Variants in IFT46 observed in about 807,000 individuals in gnomAD.
The protein encoded by IFT46 is intraflagellar transport protein 46 homolog.
In IFT46, 19 loss-of-function variants were observed where a neutral mutation model predicts 39.6. That is an observed-to-expected ratio of 0.48 (90% CI 0.33 to 0.70). The LOEUF (loss-of-function observed/expected upper bound fraction) is 0.70. IFT46 is among the 30% of genes least tolerant of loss of function. The pLI is 0.01. For missense variants in IFT46, 334 were observed against 364.8 expected, an observed-to-expected ratio of 0.92 and a Z score of 0.69; for synonymous variants, 117 against 134.8, an observed-to-expected ratio of 0.87 and a Z score of 0.91.
intron 5 of IFT46, 59 bp from the exon 6 acceptor site, chr11:118,555,142 G>C (rs555586147): frequency 3.2e-6 from 5 of 1,543,230 alleles, no homozygotes; most frequent in Non-Finnish European, 4.5e-6. Flanking sequence ...TTACTATTCA[G>C]GCTAAAAAAA....
Position 118,559,793 on chromosome 11 carries a change from T to C in IFT46, c.37A>G (p.Asn13Asp). 6.2e-7 allele frequency: 1 copy of C among 1,613,236 alleles called. No homozygotes were observed. The highest frequency in any genetic ancestry group is 8.5e-7 in the Non-Finnish European group (1 of 1,179,206). Residue 13 changes from asparagine to aspartate, a missense_variant, in exon 3 of 12, where the codon AAT becomes GAT. Coordinates refer to ENST00000264021, the MANE Select transcript of IFT46 (RefSeq NM_001168618.2). ...TGTGAGTTTTACTGTACCTTGTTAT[T>C]TTCCTCTTCACACTCATCACTGCTG... The part of the protein sequence containing the change: ...DNSSDECEEE[N>D]NKEKKKTSQL...
chr11:118,551,999 T>G (rs1345142542), intron 8 of IFT46, 147 bp from the exon 9 acceptor site: 34 of 1,000,610 alleles, frequency 3.4e-5, no homozygotes, highest in Non-Finnish European at 4.5e-5. Context: ...CATACCAAAG[T>G]TACCCAGGGC....
At chr11:118,555,882 C>T (rs1937813774) in intron 4 of IFT46, among the ~76,000 whole-genome samples, 1 of 150,740 alleles carries the variant, frequency 6.6e-6, no homozygotes, top group Non-Finnish European at 1.5e-5. Context: ...AAGATCGCAC[C>T]ACTGCACTCC....
chr11:118,549,332 G>T (rs149551510), intron 9 of IFT46, among the ~76,000 whole-genome samples: 1,707 of 151,354 alleles, frequency 0.011, 31 homozygotes, highest in African/African-American at 0.038. Flanking sequence ...ATGAGCTACC[G>T]TGCCTGGCCC....
upstream of IFT46, among the ~76,000 whole-genome samples, chr11:118,575,411 G>GGTGTGTGTGTGTGTGTGTGT (rs56934953): frequency 3.3e-4 from 49 of 149,186 alleles, no homozygotes; most frequent in African/African-American, 1.2e-3. Flanking sequence ...ACTGATAACG[G>GGTGTGTGTGTGTGTGTGTGT]GTGTGTGTGT....
At chr11:118,576,766 A>G (rs373531429), upstream of IFT46, among the ~76,000 whole-genome samples, 3 of 152,130 alleles carry the variant, frequency 2.0e-5, no homozygotes, top group South Asian at 6.2e-4. Context: ...TTTATGCTAT[A>G]CTTAGTATGG....
At chr11:118,563,436 A>G (rs1938127201) in intron 2 of IFT46, among the ~76,000 whole-genome samples, 1 of 152,242 alleles carries the variant, frequency 6.6e-6, no homozygotes, top group Non-Finnish European at 1.5e-5. Flanking sequence ...TATGTTATGT[A>G]TATTTTACCA....
chr11:118,576,621 A>G (rs1473574728), upstream of IFT46, among the ~76,000 whole-genome samples: 1 of 152,146 alleles, frequency 6.6e-6, no homozygotes, highest in Non-Finnish European at 1.5e-5. Context: ...AAGAAGACAA[A>G]TGTTAATTTA....
chr11:118,566,831 A>G (rs782296867), upstream of IFT46, among the ~76,000 whole-genome samples: 34 of 152,384 alleles, frequency 2.2e-4, no homozygotes, highest in Non-Finnish European at 4.0e-4. Context: ...AGACACTAAC[A>G]ATGCTCATTG....
At chr11:118,575,260 G>A (rs1555073288), upstream of IFT46, among the ~76,000 whole-genome samples, 1 of 152,200 alleles carries the variant, frequency 6.6e-6, no homozygotes, top group Non-Finnish European at 1.5e-5. Context: ...TTATAGGTGT[G>A]AGCCATGGCG....
In IFT46 at chr11:118,559,939, T is replaced by C. The variant is rs575741119; in HGVS notation, c.-35-75A>G. The C allele has an allele frequency of 3.1e-4, 257 of 822,010 alleles. 3 individuals carry two copies. Among genetic ancestry groups the C allele is most frequent in the South Asian group, 2.4e-3 (155 of 64,368 alleles). The allele number at this position is 822,010 out of a possible 1,614,324, so 50.9% of individuals were successfully genotyped here. A position where few individuals can be genotyped will look rare whatever the true frequency, so the allele number is the denominator to read the frequency against. On this transcript the variant is annotated intron_variant, in intron 2 of 11. Transcript: ENST00000264021. ...AACAAGTATTTTTTAGTTTTTAATA[T>C]TTTATGCTCTAACCATTTTATAAAA...
upstream of IFT46, among the ~76,000 whole-genome samples, chr11:118,567,725 T>A (rs777351538): frequency 2.0e-5 from 3 of 151,922 alleles, no homozygotes; most frequent in Admixed American, 6.6e-5. Flanking sequence ...GAACTGCATT[T>A]AAAAAAAAAT....
chr11:118,557,386 G>A, intron 3 of IFT46: 1 of 394,068 alleles, frequency 2.5e-6, no homozygotes, highest in Non-Finnish European at 4.5e-6. Context: ...GAAGAGGATG[G>A]CAACTCTAGT....
chr11:118,572,791 C>G (rs1938379571), exon 1 of IFT46: 1 of 469,498 alleles, frequency 2.1e-6, no homozygotes, highest in Admixed American at 3.8e-5. Flanking sequence ...CAGCTGGACT[C>G]CCTCGTTTGC....
At chr11:118,572,929 A>T (rs938882458) in exon 1 of IFT46, 1 of 263,718 alleles carries the variant, frequency 3.8e-6, no homozygotes, top group African/African-American at 2.2e-5. Flanking sequence ...TAGGCTCAGC[A>T]GGCTGGGCCT....
chr11:118,545,677 G>A, intron 10 of IFT46, 116 bp downstream of exon 10: 7 of 1,241,578 alleles, frequency 5.6e-6, no homozygotes, highest in Non-Finnish European at 3.6e-6. Context: ...AGCACAACGG[G>A]CTTAAAGTGA....
In IFT46 at chr11:118,565,007, C is replaced by T. The variant is rs568047626; in HGVS notation, c.-78G>A. ...GGAGTATAAATACTTGCAACCTCTT[C>T]GGAGTCGTTAATCTCTAGACGCTCA... On this transcript the variant is annotated 5_prime_UTR_variant, in exon 2 of 12. Transcript: ENST00000264021. 1 of 152,702 alleles carries T rather than the reference C, an allele frequency of 6.5e-6. No individual in the cohort carries two copies. Among genetic ancestry groups the T allele is most frequent in the South Asian group, 2.1e-4 (1 of 4,828 alleles). The allele number at this position is 152,702 out of a possible 1,614,324, so 9.5% of individuals were successfully genotyped here.
chr11:118,572,466 C>T (rs1016034284), intron 1 of IFT46: 30 of 1,507,946 alleles, frequency 2.0e-5, no homozygotes, highest in Non-Finnish European at 2.5e-5. Context: ...AGGTCCAGAG[C>T]TGCTGGTGCT....
At chr11:118,556,154 C>T (rs544284827) in intron 4 of IFT46, among the ~76,000 whole-genome samples, 9 of 152,242 alleles carry the variant, frequency 5.9e-5, no homozygotes, top group African/African-American at 1.2e-4. Flanking sequence ...TCCCGAGCAG[C>T]CGGGACTATG....
Sources: gnomAD v4.1 joint callset for allele counts (sites outside exome capture counted in the v4.1 genomes callset) on GRCh38, gnomAD v4.1.1 for gene constraint, MANE v1.5 for transcripts, NCBI Gene and HGNC (gene_info 2026-07-23, HGNC 2026-07-21) for gene names.